The following CAST variants were observed in gnomAD, a reference collection of about 807,000 sequenced individuals.
CAST encodes calpastatin, also known as MIR583 host.
In CAST, 76 loss-of-function variants were observed where a neutral mutation model predicts 119.6. That is an observed-to-expected ratio of 0.64 (90% CI 0.53 to 0.77). The LOEUF (loss-of-function observed/expected upper bound fraction) is 0.77. Among genes scored for constraint, CAST ranks in the 30% least tolerant of loss-of-function variants. CAST has a pLI of 0.00. For synonymous variants in CAST, 319 were observed against 331.6 expected (o/e 0.96, Z 0.41); for missense variants, 953 against 946.5 (o/e 1.01, Z -0.09).
the CAST span, among the ~76,000 whole-genome samples, chr5:96,220,050 C>T: frequency 2.6e-5 from 4 of 152,160 alleles, no homozygotes; most frequent in African/African-American, 7.2e-5. Context: ...CTGTCTCCCA[C>T]GACAGAGACT....
intron 1 of CAST, among the ~76,000 whole-genome samples, chr5:96,652,684 C>G (rs1748108618): frequency 6.6e-6 from 1 of 152,140 alleles, no homozygotes; most frequent in South Asian, 2.1e-4. Flanking sequence ...TAAGATTTCC[C>G]TTGGATGTGT....
the CAST span, among the ~76,000 whole-genome samples, chr5:96,344,898 G>A: frequency 6.6e-6 from 1 of 152,148 alleles, no homozygotes; most frequent in Non-Finnish European, 1.5e-5. Context: ...ACATGGTTAA[G>A]TACAGAATAC....
chr5:96,371,398 C>T, the CAST span, among the ~76,000 whole-genome samples: 1 of 152,198 alleles, frequency 6.6e-6, no homozygotes, highest in African/African-American at 2.4e-5. Context: ...TCGCTGTCAA[C>T]TGTTGATGAG....
rs1820166 is a variant in CAST at position 96,744,500 on chromosome 5, C to G, written c.1200+1744C>G. Among the ~76,000 whole-genome samples, 375 of 152,300 alleles carry G rather than the reference C, an allele frequency of 2.5e-3. 7 individuals carry two copies. The highest frequency in any genetic ancestry group is 8.4e-3 in the African/African-American group (351 of 41,554). On this transcript the variant is annotated intron_variant, in intron 16 of 31. Transcript: ENST00000675179. Reference sequence around the variant, plus strand: ...CTCCGCCCCCATGATTCAATTACCTCCCACTGGGTCCCTCCCACGACACGT... The same window carrying G: ...CTCCGCCCCCATGATTCAATTACCTGCCACTGGGTCCCTCCCACGACACGT...
the CAST span, among the ~76,000 whole-genome samples, chr5:96,501,593 T>C: frequency 6.6e-6 from 1 of 152,240 alleles, no homozygotes; most frequent in African/African-American, 2.4e-5. Flanking sequence ...AAATGTGTTT[T>C]GTTTCTATAT....
At chr5:96,236,758 C>A in the CAST span, among the ~76,000 whole-genome samples, 44 of 152,250 alleles carry the variant, frequency 2.9e-4, 1 homozygote, top group East Asian at 6.7e-3. Flanking sequence ...AACTGGGTGG[C>A]CTATATGTTA....
the CAST span, among the ~76,000 whole-genome samples, chr5:96,127,163 C>A: frequency 6.6e-6 from 1 of 152,064 alleles, no homozygotes; most frequent in African/African-American, 2.4e-5. Context: ...TATTTGCAAT[C>A]ACCTCTGATA....
chr5:96,471,786 G>GTGTTTGTGTGTT, the CAST span, among the ~76,000 whole-genome samples: 1 of 149,416 alleles, frequency 6.7e-6, no homozygotes, highest in African/African-American at 2.5e-5. Flanking sequence ...GTGTGTGTGT[G>GTGTTTGTGTGTT]TGTGTGTGTG....
intron 1 of CAST, among the ~76,000 whole-genome samples, chr5:96,640,355 A>G (rs1747935266): frequency 6.6e-6 from 1 of 152,214 alleles, no homozygotes; most frequent in African/African-American, 2.4e-5. Flanking sequence ...AATAAATAGC[A>G]TATGCAATAT....
intron 1 of CAST, among the ~76,000 whole-genome samples, chr5:96,533,494 T>A (rs1177274292): frequency 1.3e-5 from 2 of 152,192 alleles, no homozygotes; most frequent in Non-Finnish European, 2.9e-5. Context: ...TATAATAATA[T>A]TAAGACATAA....
chr5:96,015,382 T>C, the CAST span, among the ~76,000 whole-genome samples: 6 of 152,192 alleles, frequency 3.9e-5, no homozygotes, highest in Non-Finnish European at 1.5e-5. Flanking sequence ...CATTATGAAC[T>C]GGACTCACTT....
At chr5:96,498,929 T>C in the CAST span, among the ~76,000 whole-genome samples, 1 of 152,086 alleles carries the variant, frequency 6.6e-6, no homozygotes, top group East Asian at 1.9e-4. Context: ...TCTTCCAAAT[T>C]TTTCCTGTGG....
chr5:96,632,654 A>T (rs1302290405), intron 1 of CAST, among the ~76,000 whole-genome samples: 4 of 96,982 alleles, frequency 4.1e-5, no homozygotes, highest in Non-Finnish European at 6.8e-5. Flanking sequence ...GCATGTGGAT[A>T]TTCAGTGGTC....
intron 1 of CAST, among the ~76,000 whole-genome samples, chr5:96,599,301 C>T (rs1003679782): frequency 1.3e-5 from 2 of 152,186 alleles, no homozygotes; most frequent in African/African-American, 2.4e-5. Context: ...TCAGACTGAT[C>T]TTATTCACTG....
the CAST span, among the ~76,000 whole-genome samples, chr5:96,512,022 C>A: frequency 6.6e-6 from 1 of 152,192 alleles, no homozygotes; most frequent in Admixed American, 6.5e-5. Context: ...CTGTTTTCCT[C>A]ACTAAAATGA....
At chr5:96,159,643 A>G in the CAST span, among the ~76,000 whole-genome samples, 4 of 152,186 alleles carry the variant, frequency 2.6e-5, no homozygotes, top group Admixed American at 2.6e-4. Flanking sequence ...TAAAATACAC[A>G]TTACTGTATA....
At chr5:96,128,277 C>G in the CAST span, among the ~76,000 whole-genome samples, 4 of 152,052 alleles carry the variant, frequency 2.6e-5, no homozygotes, top group Non-Finnish European at 4.4e-5. Context: ...ATTTTCTAAA[C>G]TTTTCTGGTC....
At chr5:96,378,400 T>C in the CAST span, among the ~76,000 whole-genome samples, 45,309 of 151,928 alleles carry the variant, frequency 0.3, 6,907 homozygotes, top group African/African-American at 0.35. Flanking sequence ...TTAATTAGCT[T>C]GATTGGGATG....
At chr5:96,099,012 G>A in the CAST span, among the ~76,000 whole-genome samples, 5 of 152,164 alleles carry the variant, frequency 3.3e-5, no homozygotes, top group Non-Finnish European at 7.3e-5. Flanking sequence ...GCAGTGGTTT[G>A]TAGTTCTCCT....
Sources: allele counts gnomAD v4.1 joint callset (sites outside exome capture counted in the v4.1 genomes callset), GRCh38; gene constraint gnomAD v4.1.1; transcripts MANE v1.5; gene names NCBI Gene and HGNC (gene_info 2026-07-23, HGNC 2026-07-21).